Variants in SF3B1 observed in about 807,000 individuals in gnomAD.
SF3B1 encodes the protein splicing factor 3b subunit 1.
In SF3B1, 12 loss-of-function variants were observed where a neutral mutation model predicts 153.8. The observed-to-expected ratio is 0.08, with a 90% CI of 0.05 to 0.13. The LOEUF is 0.13. Ranked by LOEUF, SF3B1 falls within the 10% of genes least tolerant of loss-of-function variation. The pLI, the probability that SF3B1 is intolerant of heterozygous loss-of-function variation, is 1.00. For synonymous variants in SF3B1, 498 were observed against 525.2 expected (o/e 0.95, Z 0.71); for missense variants, 513 against 1,606.1 (o/e 0.32, Z 11.63).
intron 5 of SF3B1, among the ~76,000 whole-genome samples, chr2:197,418,234 C>CAAAAAAA (rs59644092): frequency 0.02 from 740 of 36,364 alleles, 150 homozygotes; most frequent in Middle Eastern, 0.045. Flanking sequence ...AGACTGTGTC[C>CAAAAAAA]AAAAAAAAAA....
chr2:197,418,234 CAA>C (rs59644092), intron 5 of SF3B1, among the ~76,000 whole-genome samples: 311 of 36,332 alleles, frequency 8.6e-3, no homozygotes, highest in East Asian at 0.033. Flanking sequence ...AGACTGTGTC[CAA>C]AAAAAAAAAA....
intron 23 of SF3B1, among the ~76,000 whole-genome samples, chr2:197,395,233 C>T (rs2084862624): frequency 6.6e-6 from 1 of 152,130 alleles, no homozygotes; most frequent in Non-Finnish European, 1.5e-5. Flanking sequence ...GGTGATTTAC[C>T]CTCATTTTTT....
intron 1 of SF3B1, among the ~76,000 whole-genome samples, chr2:197,429,783 CAAAAA>C (rs199999089): frequency 7.6e-6 from 1 of 131,400 alleles, no homozygotes. Flanking sequence ...GACTCTGTCT[CAAAAA>C]AAAAAAAAAA....
chr2:197,431,104 CTTTTTTTTTT>C (rs558644461), intron 1 of SF3B1, among the ~76,000 whole-genome samples: 17 of 73,710 alleles, frequency 2.3e-4, no homozygotes, highest in East Asian at 4.1e-4. Context: ...GCCTTTTCTT[CTTTTTTTTTT>C]TTTTTTTTTT....
intron 4 of SF3B1, chr2:197,419,930 A>C (rs993883314): frequency 9.0e-6 from 2 of 222,336 alleles, no homozygotes; most frequent in Admixed American, 1.1e-4. Context: ...TAAAAATATC[A>C]AACTCTTCGT....
chr2:197,401,554 A>G lies in SF3B1; in HGVS notation c.2371-29T>C, dbSNP rs763239529. 6 of 1,597,766 alleles carry G rather than the reference A, an allele frequency of 3.8e-6. No individual in the cohort carries two copies. Among genetic ancestry groups the G allele is most frequent in the Non-Finnish European group, 4.3e-6 (5 of 1,170,484 alleles). ...AAAGGTTAAGAAATAGTAATAATAA[A>G]TCAACTGACCTGAAATGAAGAGAAT... On this transcript the variant is annotated intron_variant, in intron 16 of 24. Transcript: ENST00000335508. The surrounding 1 kb of genome is among the most constrained non-coding windows in gnomAD (Gnocchi z 4.2).
chr2:197,413,661 T>C (rs775946367), intron 6 of SF3B1, among the ~76,000 whole-genome samples: 2 of 152,152 alleles, frequency 1.3e-5, no homozygotes, highest in African/African-American at 4.8e-5. Context: ...ACTAGGATGG[T>C]AGAGGCAGAG....
At chr2:197,432,308 C>T (rs950589366) in intron 1 of SF3B1, among the ~76,000 whole-genome samples, 32 of 152,160 alleles carry the variant, frequency 2.1e-4, no homozygotes, top group African/African-American at 7.2e-4. Context: ...TTGGTTAAAC[C>T]ATTTTCCCCT....
chr2:197,417,052 C>A (rs699319), intron 5 of SF3B1, 141 bp from the exon 6 acceptor site: 521,262 of 763,810 alleles, frequency 0.68, 180,874 homozygotes, highest in Middle Eastern at 0.86. Context: ...TTTCTACGCT[C>A]GCTGGTTCCA....
intron 6 of SF3B1, among the ~76,000 whole-genome samples, chr2:197,412,546 G>A (rs1026982956): frequency 6.6e-6 from 1 of 151,334 alleles, no homozygotes; most frequent in African/African-American, 2.4e-5. Context: ...TAGTAGAGAC[G>A]GGGTTTCACC....
chr2:197,424,185 A>G (rs1357695277), intron 1 of SF3B1, among the ~76,000 whole-genome samples: 2 of 152,342 alleles, frequency 1.3e-5, no homozygotes, highest in Non-Finnish European at 2.9e-5. Context: ...CACGCCTACA[A>G]TCCCAACACT....
At chr2:197,422,810 A>G (rs2085267547) in intron 2 of SF3B1, among the ~76,000 whole-genome samples, 1 of 152,036 alleles carries the variant, frequency 6.6e-6, no homozygotes. Context: ...GAATGCTATG[A>G]ACCCTGGAGG....
intron 1 of SF3B1, among the ~76,000 whole-genome samples, chr2:197,434,619 G>A (rs1170496119): frequency 6.6e-6 from 1 of 152,198 alleles, no homozygotes; most frequent in African/African-American, 2.4e-5. Context: ...CTATGGGGAC[G>A]ACAGTGTCGA....
intron 1 of SF3B1, among the ~76,000 whole-genome samples, chr2:197,427,804 A>C (rs908907215): frequency 1.3e-5 from 2 of 151,952 alleles, no homozygotes; most frequent in African/African-American, 4.8e-5. Flanking sequence ...GTGGATCACG[A>C]GGTCAGGAGT....
intron 23 of SF3B1, among the ~76,000 whole-genome samples, chr2:197,393,717 C>T (rs1452105706): frequency 1.3e-5 from 2 of 152,070 alleles, no homozygotes; most frequent in East Asian, 3.9e-4. Flanking sequence ...TCCCAAAGTA[C>T]AGGGATTACA....
At chr2:197,426,073 G>C (rs1237902204) in intron 1 of SF3B1, among the ~76,000 whole-genome samples, 1 of 151,492 alleles carries the variant, frequency 6.6e-6, no homozygotes. Flanking sequence ...GTTGTGATCG[G>C]ATCTCAAAAT....
At chr2:197,398,768 T>C in intron 20 of SF3B1, 187 bp from the exon 21 acceptor site, 1 of 585,844 alleles carries the variant, frequency 1.7e-6, no homozygotes, top group Non-Finnish European at 3.0e-6. Context: ...TTTTTGATTA[T>C]GTATAGAAAT....
At chr2:197,422,678 C>A (rs546872271) in intron 2 of SF3B1, among the ~76,000 whole-genome samples, 1 of 151,560 alleles carries the variant, frequency 6.6e-6, no homozygotes, top group African/African-American at 2.4e-5. Flanking sequence ...ATCACGAGCT[C>A]AGGAGATCGA....
At chr2:197,414,968 C>T (rs2085125891) in intron 6 of SF3B1, among the ~76,000 whole-genome samples, 1 of 151,922 alleles carries the variant, frequency 6.6e-6, no homozygotes, top group Non-Finnish European at 1.5e-5. Context: ...TGCGCCCCTG[C>T]ACTCCAACCT....
Sources: gnomAD v4.1 joint callset for allele counts (sites outside exome capture counted in the v4.1 genomes callset) on GRCh38, gnomAD v4.1.1 for gene constraint, Gnocchi (gnomAD v3.1) non-coding constraint, MANE v1.5 for transcripts, NCBI Gene and HGNC (gene_info 2026-07-23, HGNC 2026-07-21) for gene names.